ADGRL3: variants seen among roughly 807,000 people sequenced by gnomAD.
The protein encoded by ADGRL3 is calcium-independent alpha-latrotoxin receptor 3.
In ADGRL3, 62 loss-of-function variants were observed where a neutral mutation model predicts 153.5. The observed-to-expected ratio is 0.40, with a 90% confidence interval of 0.33 to 0.50. The LOEUF is 0.50. Ranked by LOEUF, ADGRL3 falls within the 20% of genes least tolerant of loss-of-function variation. The pLI is 0.47. For missense variants in ADGRL3, 1,641 were observed against 1,859.4 expected (o/e 0.88, Z 2.16); for synonymous variants, 710 against 672.5 (o/e 1.06, Z -0.86).
intron 11 of ADGRL3, among the ~76,000 whole-genome samples, chr4:61,901,307 T>C (rs1002510945): frequency 7.9e-5 from 12 of 152,218 alleles, no homozygotes; most frequent in Non-Finnish European, 1.2e-4. Flanking sequence ...TAAAGAAGGA[T>C]GTGAAAATCT....
chr4:61,437,682 T>C (rs2097466262), intron 2 of ADGRL3, among the ~76,000 whole-genome samples: 1 of 152,180 alleles, frequency 6.6e-6, no homozygotes, highest in Admixed American at 6.5e-5. Flanking sequence ...ATTGAATTAA[T>C]TCTATCTACT....
At chr4:61,601,470 A>C (rs942988705) in intron 5 of ADGRL3, among the ~76,000 whole-genome samples, 48 of 152,324 alleles carry the variant, frequency 3.2e-4, no homozygotes, top group African/African-American at 1.1e-3. Context: ...ATGAATTCAA[A>C]CTATTAATTC....
intron 1 of ADGRL3, among the ~76,000 whole-genome samples, chr4:61,268,420 C>T (rs1365812054): frequency 6.6e-6 from 1 of 151,694 alleles, no homozygotes; most frequent in East Asian, 1.9e-4. Context: ...GCTGATTAAG[C>T]TAACCAAATA....
At chr4:61,401,504 T>G (rs965038859) in intron 2 of ADGRL3, among the ~76,000 whole-genome samples, 1 of 151,976 alleles carries the variant, frequency 6.6e-6, no homozygotes, top group Non-Finnish European at 1.5e-5. Context: ...TAGAAATGCT[T>G]CTGCTGTAGG....
At chr4:61,368,362 T>C (rs950433496) in intron 1 of ADGRL3, among the ~76,000 whole-genome samples, 7 of 152,194 alleles carry the variant, frequency 4.6e-5, no homozygotes, top group Non-Finnish European at 8.8e-5. Context: ...TGGTTTTAGG[T>C]TTAACGTTTA....
At position 61,200,523 on chromosome 4, in the gene ADGRL3, CGCT is replaced by C. The variant is rs956646345; in HGVS notation, c.-1474_-1472del. On this transcript the variant is annotated 5_prime_UTR_variant, in exon 1 of 27. Transcript: ENST00000683033. ...TGGGCGCCGCCGCCGCCGCCGCCGC[CGCT>C]GCTGCTGGTTTTTCTCGGACTGCTC... Among the ~76,000 whole-genome samples the C allele has an allele frequency of 9.9e-5, 15 of 151,364 alleles. No homozygotes were observed. The East Asian group carries it at 1.6e-3, about 16-fold the overall frequency.
At chr4:61,897,011 A>G (rs1219393030) in intron 11 of ADGRL3, among the ~76,000 whole-genome samples, 1 of 152,228 alleles carries the variant, frequency 6.6e-6, no homozygotes, top group Non-Finnish European at 1.5e-5. Context: ...TAATTTCTGA[A>G]TATAGTTGGA....
intron 1 of ADGRL3, among the ~76,000 whole-genome samples, chr4:61,365,002 T>G (rs111388135): frequency 2.0e-5 from 3 of 152,174 alleles, no homozygotes; most frequent in African/African-American, 7.2e-5. Flanking sequence ...GAGGGATCAT[T>G]AAATACTAGG....
intron 3 of ADGRL3, among the ~76,000 whole-genome samples, chr4:61,514,524 C>G (rs1022343711): frequency 6.6e-6 from 1 of 152,106 alleles, no homozygotes. Flanking sequence ...TTTTTTAAAG[C>G]AAAAGTTGAC....
At chr4:61,238,458 T>C (rs919642235) in intron 1 of ADGRL3, among the ~76,000 whole-genome samples, 4 of 151,804 alleles carry the variant, frequency 2.6e-5, no homozygotes, top group Non-Finnish European at 4.4e-5. Context: ...TGTGTGTGTG[T>C]GTGTGTGTGT....
chr4:61,851,817 G>A (rs1431220592), intron 9 of ADGRL3, among the ~76,000 whole-genome samples: 2 of 152,054 alleles, frequency 1.3e-5, no homozygotes, highest in African/African-American at 2.4e-5. Context: ...TGTGGTGTTG[G>A]CATAATATAA....
At chr4:61,350,842 C>A (rs182222590) in intron 1 of ADGRL3, among the ~76,000 whole-genome samples, 322 of 152,158 alleles carry the variant, frequency 2.1e-3, no homozygotes, top group African/African-American at 7.3e-3. Flanking sequence ...CCCTTCTTTT[C>A]CCCCCTCTGT....
intron 8 of ADGRL3, among the ~76,000 whole-genome samples, chr4:61,797,632 AAC>A (rs1026377208): frequency 2.6e-5 from 4 of 152,184 alleles, no homozygotes; most frequent in Non-Finnish European, 5.9e-5. Context: ...TACCTTTTAT[AAC>A]AGTTTATTTT....
At chr4:61,266,860 C>T (rs1186350752) in intron 1 of ADGRL3, among the ~76,000 whole-genome samples, 3 of 151,554 alleles carry the variant, frequency 2.0e-5, no homozygotes, top group South Asian at 2.1e-4. Context: ...ATCATAGGAA[C>T]GTTGCTGCAA....
At chr4:61,223,809 G>C (rs2149065277) in intron 1 of ADGRL3, among the ~76,000 whole-genome samples, 1 of 152,226 alleles carries the variant, frequency 6.6e-6, no homozygotes, top group Non-Finnish European at 1.5e-5. Context: ...GCTTCTAAGA[G>C]CAAAATTCTA....
intron 8 of ADGRL3, among the ~76,000 whole-genome samples, chr4:61,781,153 C>G (rs538040368): frequency 1.3e-5 from 2 of 151,334 alleles, no homozygotes; most frequent in Non-Finnish European, 2.9e-5. Flanking sequence ...ATGGAGAAAC[C>G]CCATCTCTAC....
intron 2 of ADGRL3, among the ~76,000 whole-genome samples, chr4:61,412,921 C>T (rs2097104350): frequency 1.3e-5 from 2 of 152,168 alleles, no homozygotes; most frequent in South Asian, 4.2e-4. Context: ...GTATTGGATT[C>T]TATTGATTGT....
intron 8 of ADGRL3, among the ~76,000 whole-genome samples, chr4:61,749,312 G>A (rs1399392924): frequency 1.3e-5 from 2 of 151,914 alleles, no homozygotes; most frequent in African/African-American, 4.9e-5. Flanking sequence ...CGATTCCTCA[G>A]GGATCTAGAA....
chr4:61,504,854 A>T (rs2098417097), intron 3 of ADGRL3, among the ~76,000 whole-genome samples: 1 of 152,172 alleles, frequency 6.6e-6, no homozygotes, highest in Non-Finnish European at 1.5e-5. Flanking sequence ...TTATCCATTC[A>T]TTCATTGATG....
Sources: allele counts gnomAD v4.1 joint callset (sites outside exome capture counted in the v4.1 genomes callset), GRCh38; gene constraint gnomAD v4.1.1; transcripts MANE v1.5; gene names NCBI Gene and HGNC (gene_info 2026-07-23, HGNC 2026-07-21).